Variants in GPA33 observed in about 807,000 individuals in gnomAD.
The protein encoded by GPA33 is cell surface A33 antigen.
In GPA33, 27 loss-of-function variants were observed where a neutral mutation model predicts 35.6. That is an observed-to-expected ratio of 0.76 (90% confidence interval 0.56 to 1.04). GPA33 has a LOEUF of 1.04. GPA33 is among the 50% of genes least tolerant of loss of function. GPA33 has a pLI of 0.00. For missense variants in GPA33, 428 were observed against 411.9 expected, an observed-to-expected ratio of 1.04 and a Z score of -0.34; for synonymous variants, 176 against 164.0, an observed-to-expected ratio of 1.07 and a Z score of -0.56.
chr1:167,054,095 G>A lies in GPA33; in HGVS notation c.*239C>T, dbSNP rs984667389. ...CTGGTCTTGAGTGAGGGCCAGGCCC[G>A]CACCAGGTGTCACAGCCAGGAGGGG... On this transcript the variant is annotated 3_prime_UTR_variant, in exon 7 of 7. Transcript: ENST00000367868. 6.4e-5 allele frequency: 35 copies of A among 546,054 alleles called. No homozygotes were observed. The highest frequency in any genetic ancestry group is 3.6e-4 in the East Asian group (11 of 30,676). The allele number at this position is 546,054 out of a possible 1,614,324, so 33.8% of individuals were successfully genotyped here. A position where few individuals can be genotyped will look rare whatever the true frequency, so the allele number is the denominator to read the frequency against.
At chr1:167,072,262 G>A (rs1025875981) in intron 2 of GPA33, among the ~76,000 whole-genome samples, 3 of 152,146 alleles carry the variant, frequency 2.0e-5, no homozygotes, top group Non-Finnish European at 2.9e-5. Context: ...TGCCAGGCAC[G>A]TTTGCATTTT....
At chr1:167,054,745 C>A (rs552781090) in intron 6 of GPA33, among the ~76,000 whole-genome samples, 1 of 152,140 alleles carries the variant, frequency 6.6e-6, no homozygotes, top group Non-Finnish European at 1.5e-5. Flanking sequence ...TCTAGTCATG[C>A]CACAGGAAGC....
chr1:167,064,090 C>T (rs1282837953), intron 3 of GPA33, among the ~76,000 whole-genome samples: 1 of 152,048 alleles, frequency 6.6e-6, no homozygotes, highest in Non-Finnish European at 1.5e-5. Context: ...TGAGACCAGC[C>T]TGGTCAACAT....
At chr1:167,056,675 T>TGA (rs1666278563) in intron 4 of GPA33, among the ~76,000 whole-genome samples, 10 of 1,104 alleles carry the variant, frequency 9.1e-3, no homozygotes, top group Admixed American at 0.024. Context: ...GAGTGTGTGA[T>TGA]GTGTCTGGTG....
chr1:167,084,202 C>T (rs951683770), intron 1 of GPA33, among the ~76,000 whole-genome samples: 8 of 152,162 alleles, frequency 5.3e-5, no homozygotes, highest in Non-Finnish European at 1.2e-4. Flanking sequence ...ATCATTCTGG[C>T]TCCAGGGTGG....
chr1:167,056,792 TGC>T (rs1666303799), intron 4 of GPA33, among the ~76,000 whole-genome samples: 1 of 1,106 alleles, frequency 9.0e-4, no homozygotes, highest in African/African-American at 3.4e-3. Context: ...TGTAGTGTGG[TGC>T]GTGTGGTGTG....
intron 4 of GPA33, 81 bp downstream of exon 4, chr1:167,063,501 C>T: frequency 3.8e-6 from 5 of 1,332,422 alleles, no homozygotes; most frequent in Non-Finnish European, 5.2e-6. Context: ...GATCGGTCAA[C>T]CCAAGTTGCA....
intron 5 of GPA33, among the ~76,000 whole-genome samples, 166 bp from the exon 6 acceptor site, chr1:167,055,277 G>A (rs748961568): frequency 2.0e-5 from 3 of 152,202 alleles, no homozygotes; most frequent in Non-Finnish European, 2.9e-5. Flanking sequence ...CAGGATGGAG[G>A]TGCAGACAGA....
rs769850908 is a variant in GPA33, at chr1:167,055,105, A to T, written c.698T>A (p.Met233Lys). Reference protein sequence around the residue: ...NITVAVRSPSMNVALYVGIAV... With the variant: ...NITVAVRSPSKNVALYVGIAV... Reference sequence around the variant, plus strand: ...GATGCCCACATACAGGGCCACGTTCATGGAGGCTGCAAGAGGACAGAGCAG... The same window carrying T: ...GATGCCCACATACAGGGCCACGTTCTTGGAGGCTGCAAGAGGACAGAGCAG... Residue 233 changes from methionine (M) to lysine (K), a missense_variant, in exon 6 of 7, where the codon ATG becomes AAG. Transcript: ENST00000367868. 1.1e-5 allele frequency: 17 copies of T among 1,612,412 alleles called. No homozygotes were observed. The Admixed American group carries it at 2.2e-4, about 21-fold the overall frequency.
intron 1 of GPA33, among the ~76,000 whole-genome samples, chr1:167,089,116 C>G (rs938906435): frequency 6.6e-6 from 1 of 152,188 alleles, no homozygotes; most frequent in African/African-American, 2.4e-5. Context: ...AATGATCTTA[C>G]CCAGATCTTC....
intron 4 of GPA33, among the ~76,000 whole-genome samples, chr1:167,057,113 CCTCTA>C (rs1666324950): frequency 6.6e-6 from 1 of 151,216 alleles, no homozygotes; most frequent in Admixed American, 6.6e-5. Flanking sequence ...CTAGACTCTT[CCTCTA>C]CATCTGCCGC....
At chr1:167,056,691 T>C (rs1571302128) in intron 4 of GPA33, among the ~76,000 whole-genome samples, 3 of 2,632 alleles carry the variant, frequency 1.1e-3, no homozygotes, top group Admixed American at 7.6e-3. Context: ...TGGTGTGTGG[T>C]GGGTGTGTGG....
chr1:167,067,767 G>A (rs1466448226), intron 3 of GPA33, among the ~76,000 whole-genome samples: 2 of 152,178 alleles, frequency 1.3e-5, no homozygotes, highest in East Asian at 1.9e-4. Flanking sequence ...TGCCGATCTG[G>A]AGAAATGCGC....
intron 1 of GPA33, among the ~76,000 whole-genome samples, chr1:167,088,298 G>A (rs1482786803): frequency 1.3e-5 from 2 of 152,184 alleles, no homozygotes; most frequent in Non-Finnish European, 2.9e-5. Context: ...GGGGAGGGCC[G>A]CCTGGTTGCT....
At chr1:167,078,735 A>G (rs1666870515) in intron 1 of GPA33, 1 of 152,246 alleles carries the variant, frequency 6.6e-6, no homozygotes, top group Non-Finnish European at 1.5e-5. Context: ...TTGAATGCAC[A>G]GATTCTAGAA....
chr1:167,079,634 G>A (rs945456534), intron 1 of GPA33, among the ~76,000 whole-genome samples: 3 of 152,184 alleles, frequency 2.0e-5, no homozygotes, highest in Non-Finnish European at 2.9e-5. Context: ...AATTTGAGAC[G>A]AGAAGTTATT....
At chr1:167,089,772 T>C (rs1160861859) in intron 1 of GPA33, among the ~76,000 whole-genome samples, 1 of 152,160 alleles carries the variant, frequency 6.6e-6, no homozygotes, top group East Asian at 1.9e-4. Context: ...TTTTTAGGGT[T>C]TGAATCTTCT....
chr1:167,057,170 C>A (rs140900172), intron 4 of GPA33, among the ~76,000 whole-genome samples: 73 of 152,084 alleles, frequency 4.8e-4, no homozygotes, highest in African/African-American at 1.8e-3. Context: ...TGTAGGCTTC[C>A]TTCGGAAAGC....
Position 167,072,279 on chromosome 1 carries a change from A to G in GPA33, c.198+1106T>C, listed in dbSNP as rs570572754. ...CCAGGCACGTTTGCATTTTAAAAGA[A>G]GACCTCACTTTTAAACTTATGAATA... is the stretch of plus-strand genomic sequence containing the variant. On this transcript the variant is annotated intron_variant, in intron 2 of 6. Coordinates refer to ENST00000367868, the MANE Select transcript of GPA33 (RefSeq NM_005814.3). 7.0e-4 allele frequency among the ~76,000 whole-genome samples: 107 copies of G among 152,354 alleles called. 1 individual carries two copies. The highest frequency in any genetic ancestry group is 2.4e-3 in the African/African-American group (101 of 41,574).
Sources: gnomAD v4.1 joint callset for allele counts (sites outside exome capture counted in the v4.1 genomes callset) on GRCh38, gnomAD v4.1.1 for gene constraint, MANE v1.5 for transcripts, NCBI Gene and HGNC (gene_info 2026-07-23, HGNC 2026-07-21) for gene names.